The following MBP variants were observed in gnomAD, a reference collection of about 807,000 sequenced individuals.
MBP encodes Golli-MBP.
MBP carries 16 observed loss-of-function variants against 35.8 expected under a neutral mutation model. The ratio of observed to expected loss-of-function variants is 0.45; its 90% CI spans 0.30 to 0.68. MBP has a LOEUF of 0.68. Ranked by LOEUF, MBP falls within the 30% of genes least tolerant of loss-of-function variation. The probability of loss-of-function intolerance (pLI) is 0.08; values close to 1 mark genes in which losing one functional copy is unlikely to be tolerated. For missense variants in MBP, 380 were observed against 404.7 expected, an observed-to-expected ratio of 0.94 and a Z score of 0.52; for synonymous variants, 143 against 159.6, an observed-to-expected ratio of 0.90 and a Z score of 0.78.
At chr18:77,126,250 C>T (rs1384016912) in intron 1 of MBP, among the ~76,000 whole-genome samples, 1 of 152,152 alleles carries the variant, frequency 6.6e-6, no homozygotes, top group African/African-American at 2.4e-5. Context: ...ATCAGATACT[C>T]AAGGGTGGGT....
At chr18:77,130,772 C>T (rs1374959818) in intron 1 of MBP, among the ~76,000 whole-genome samples, 2 of 151,632 alleles carry the variant, frequency 1.3e-5, no homozygotes, top group Non-Finnish European at 2.9e-5. Flanking sequence ...AAACTCAAAC[C>T]CGACGTTTTA....
chr18:77,033,348 T>C (rs1202459004), intron 3 of MBP, among the ~76,000 whole-genome samples: 1 of 152,200 alleles, frequency 6.6e-6, no homozygotes, highest in Non-Finnish European at 1.5e-5. Flanking sequence ...TAAGGCTTGG[T>C]TGCCTCATTT....
intron 2 of MBP, among the ~76,000 whole-genome samples, chr18:77,104,093 C>T (rs574308159): frequency 2.8e-4 from 42 of 152,338 alleles, no homozygotes; most frequent in Admixed American, 9.8e-4. Context: ...GACAGTGAGA[C>T]TGAAGAAGGG....
At chr18:77,024,780 C>T (rs58307469) in intron 3 of MBP, among the ~76,000 whole-genome samples, 3,334 of 152,332 alleles carry the variant, frequency 0.022, 144 homozygotes, top group African/African-American at 0.076. Context: ...ACTGACCAGC[C>T]GATGTGCTCC....
intron 8 of MBP, chr18:76,981,691 G>A (rs1354725084): frequency 6.6e-6 from 1 of 152,258 alleles, no homozygotes; most frequent in African/African-American, 2.4e-5. Flanking sequence ...ATACCGTGGA[G>A]GCCTCCTGCC....
chr18:77,082,137 C>G (rs1193670643), intron 2 of MBP, among the ~76,000 whole-genome samples: 1 of 152,022 alleles, frequency 6.6e-6, no homozygotes, highest in South Asian at 2.1e-4. Context: ...CAGGCGTGAG[C>G]CACTGCGCCC....
chr18:77,113,922 T>G (rs921140850), intron 1 of MBP: 2 of 152,242 alleles, frequency 1.3e-5, no homozygotes. Flanking sequence ...ATGTCTGTCC[T>G]ACAGCAAGCT....
rs976891213 is a variant in MBP, at chr18:76,979,930, A to G, written c.*497T>C. ...CTGTCTAATCCTGTTAGGAAAAATGAAGTCTACTTTAGGAGGTGAGAGAAG... is the reference window on the plus strand; with the variant it reads ...CTGTCTAATCCTGTTAGGAAAAATGGAGTCTACTTTAGGAGGTGAGAGAAG... On this transcript the variant is annotated 3_prime_UTR_variant, in exon 9 of 9. Transcript: ENST00000355994. 1.4e-6 allele frequency: 1 copy of G among 701,922 alleles called. No homozygotes were observed. The highest frequency in any genetic ancestry group is 2.6e-6 in the Non-Finnish European group (1 of 384,846). The allele number at this position is 701,922 out of a possible 1,614,324, so 43.5% of individuals were successfully genotyped here.
At chr18:77,054,856 A>T (rs909552052) in intron 3 of MBP, among the ~76,000 whole-genome samples, 4 of 152,086 alleles carry the variant, frequency 2.6e-5, no homozygotes, top group Non-Finnish European at 5.9e-5. Flanking sequence ...CACCATGCAC[A>T]CATCCTGTTT....
intron 4 of MBP, chr18:77,016,605 C>A (rs985597326): frequency 5.0e-6 from 7 of 1,401,876 alleles, no homozygotes; most frequent in Admixed American, 5.9e-5. Context: ...AGCCACACCC[C>A]GGCCACCATC....
chr18:77,010,742 T>C lies in MBP; in HGVS notation c.576+6090A>G, dbSNP rs555580929. On this transcript the variant is annotated intron_variant, in intron 4 of 8. Coordinates refer to ENST00000355994, the MANE Select transcript of MBP (RefSeq NM_001025101.2). ...TTCCTAAGTAGCATTAGCTCCTAAC[T>C]TAATGTATTATCTTTGTCAGTTACA... is the stretch of plus-strand genomic sequence containing the variant. 4.6e-5 allele frequency among the ~76,000 whole-genome samples: 7 copies of C among 152,370 alleles called. No individual in the cohort carries two copies. The East Asian group carries it at 1.3e-3, about 29-fold the overall frequency.
At chr18:77,114,155 TC>T (rs776226939) in intron 1 of MBP, 6 of 152,242 alleles carry the variant, frequency 3.9e-5, no homozygotes, top group Non-Finnish European at 7.3e-5. Flanking sequence ...TCACCATCCT[TC>T]GTTTTCTTCT....
intron 3 of MBP, among the ~76,000 whole-genome samples, chr18:77,018,612 TCATC>T (rs58567064): frequency 0.031 from 3,485 of 111,024 alleles, 198 homozygotes; most frequent in African/African-American, 0.096. Flanking sequence ...ATCTATCCAC[TCATC>T]CATCCATCCA....
chr18:76,995,580 T>C (rs931986087), intron 4 of MBP, among the ~76,000 whole-genome samples: 1 of 152,028 alleles, frequency 6.6e-6, no homozygotes, highest in African/African-American at 2.4e-5. Context: ...TGGAAAACAC[T>C]GTCTTCTCAA....
chr18:77,132,023 C>T (rs1977293580), intron 1 of MBP, among the ~76,000 whole-genome samples: 1 of 152,130 alleles, frequency 6.6e-6, no homozygotes, highest in African/African-American at 2.4e-5. Context: ...CGATCGCGCG[C>T]GGGGCCCCCG....
intron 4 of MBP, among the ~76,000 whole-genome samples, chr18:76,998,710 T>G (rs950710587): frequency 1.1e-4 from 17 of 152,016 alleles, no homozygotes; most frequent in Non-Finnish European, 2.2e-4. Context: ...GTACACACAG[T>G]GTTAGGGTGG....
chr18:77,000,675 T>C (rs1970579843), intron 4 of MBP, among the ~76,000 whole-genome samples: 2 of 152,252 alleles, frequency 1.3e-5, no homozygotes, highest in Admixed American at 1.3e-4. Context: ...CGCCGCCTGT[T>C]TCTCTCCAGA....
rs1346873300 is a variant in MBP at position 77,105,193 on chromosome 18, G to C, written c.51+18C>G. 6.2e-7 allele frequency: 1 copy of C among 1,612,008 alleles called. No individual in the cohort carries two copies. The highest frequency in any genetic ancestry group is 1.7e-5 in the Admixed American group (1 of 59,946). On this transcript the variant is annotated intron_variant, in intron 2 of 8. Coordinates refer to ENST00000355994, the MANE Select transcript of MBP (RefSeq NM_001025101.2). ...AAGAAAACAACATGCACATGTTTCG[G>C]ATCAGCTCACGTCTTACCGTACTGG...
intron 2 of MBP, among the ~76,000 whole-genome samples, chr18:77,091,123 C>T (rs1270961806): frequency 6.6e-6 from 1 of 152,164 alleles, no homozygotes; most frequent in East Asian, 1.9e-4. Context: ...TTTCTAGACA[C>T]TGGTGTTTTG....
Sources: allele counts gnomAD v4.1 joint callset (sites outside exome capture counted in the v4.1 genomes callset), GRCh38; gene constraint gnomAD v4.1.1; transcripts MANE v1.5; gene names NCBI Gene and HGNC (gene_info 2026-07-23, HGNC 2026-07-21).